The following ABTB2 variants were observed in gnomAD, a reference collection of about 807,000 sequenced individuals.
ABTB2 encodes ankyrin repeat and BTB/POZ domain-containing protein 2.
ABTB2 carries 56 observed loss-of-function variants against 104.1 expected under a neutral mutation model. The ratio of observed to expected loss-of-function variants is 0.54; its 90% CI spans 0.43 to 0.67. The LOEUF (loss-of-function observed/expected upper bound fraction) is 0.67, where lower values mean the gene tolerates loss of function less well. Ranked by LOEUF, ABTB2 falls within the 30% of genes least tolerant of loss-of-function variation. ABTB2 has a pLI of 0.00. For synonymous variants in ABTB2, 606 were observed against 608.2 expected (o/e 1.00, Z 0.05); for missense variants, 1,279 against 1,407.7 (o/e 0.91, Z 1.46).
chr11:34,334,221 A>G (rs535365824), intron 1 of ABTB2, among the ~76,000 whole-genome samples: 42 of 152,140 alleles, frequency 2.8e-4, no homozygotes, highest in Non-Finnish European at 5.6e-4. Context: ...GCAAGGACAA[A>G]AACAACCCTG....
intron 5 of ABTB2, among the ~76,000 whole-genome samples, chr11:34,169,215 C>T (rs2982608): frequency 0.52 from 79,359 of 151,986 alleles, 21,695 homozygotes; most frequent in East Asian, 0.9. Context: ...AACCAAATGA[C>T]GGGCCCGGTG....
chr11:34,269,605 T>C (rs1854290147), intron 1 of ABTB2, among the ~76,000 whole-genome samples: 1 of 152,238 alleles, frequency 6.6e-6, no homozygotes, highest in Admixed American at 6.5e-5. Flanking sequence ...TGCAACCAAA[T>C]GGTAAGGCTG....
At chr11:34,157,598 A>G (rs1267067885) in intron 14 of ABTB2, among the ~76,000 whole-genome samples, 1 of 152,154 alleles carries the variant, frequency 6.6e-6, no homozygotes, top group Non-Finnish European at 1.5e-5. Flanking sequence ...TCACCTGGAC[A>G]TGTTCCTAAA....
In ABTB2 at chr11:34,356,729, C is replaced by G; in HGVS notation, c.855G>C (p.Glu285Asp). The change falls in exon 1 of 17, where the codon GAG becomes GAC. Residue 285 changes from glutamate (E) to aspartate (D), a missense_variant. Coordinates refer to ENST00000435224, the MANE Select transcript of ABTB2 (RefSeq NM_145804.3). The surrounding 1 kb of genome is among the most constrained non-coding windows in gnomAD (Gnocchi z 4.6). ...AELWGVLQPY[E>D]HLICGKNANG... ...TGGCGTTCTTGCCGCAGATGAGATG[C>G]TCATAGGGCTGCAAGACGCCCCAGA... The G allele has an allele frequency of 6.2e-7, 1 of 1,607,270 alleles. No individual in the cohort carries two copies. Among genetic ancestry groups the G allele is most frequent in the Non-Finnish European group, 8.5e-7 (1 of 1,175,558 alleles).
intron 1 of ABTB2, among the ~76,000 whole-genome samples, chr11:34,244,788 A>C (rs1853965500): frequency 6.6e-6 from 1 of 152,180 alleles, no homozygotes; most frequent in Non-Finnish European, 1.5e-5. Flanking sequence ...AGGGTGGATC[A>C]CTTGAGCCCA....
At chr11:34,247,773 A>G (rs1321787210) in intron 1 of ABTB2, among the ~76,000 whole-genome samples, 1 of 152,230 alleles carries the variant, frequency 6.6e-6, no homozygotes, top group Non-Finnish European at 1.5e-5. Context: ...ATACTCTGCT[A>G]AGCACTTCAC....
chr11:34,177,087 T>A (rs1317346980), intron 3 of ABTB2, among the ~76,000 whole-genome samples: 1 of 152,182 alleles, frequency 6.6e-6, no homozygotes. Flanking sequence ...AAAAAGATAA[T>A]CCGTGGATTT....
At chr11:34,331,491 G>T (rs1006535215) in intron 1 of ABTB2, among the ~76,000 whole-genome samples, 5 of 152,238 alleles carry the variant, frequency 3.3e-5, no homozygotes, top group African/African-American at 1.2e-4. Flanking sequence ...ATCCTACCAT[G>T]ATTTCCTGTC....
intron 1 of ABTB2, among the ~76,000 whole-genome samples, chr11:34,273,396 C>T (rs569664393): frequency 9.8e-5 from 15 of 152,290 alleles, no homozygotes; most frequent in East Asian, 7.7e-4. Context: ...GAACCTCGAC[C>T]GACTCCAGGT....
chr11:34,335,081 A>G (rs1420546317), intron 1 of ABTB2: 4 of 950,598 alleles, frequency 4.2e-6, no homozygotes, highest in South Asian at 1.4e-5. Flanking sequence ...AATATTACAT[A>G]CAAATAATAC....
chr11:34,164,817 G>A lies in ABTB2; in HGVS notation c.1857C>T (p.Asn619=). Residue 619 remains asparagine, a synonymous_variant, in exon 9 of 17, where the codon AAC becomes AAT. Coordinates refer to ENST00000435224, the MANE Select transcript of ABTB2 (RefSeq NM_145804.3). ...TCAGCAACAAACTGACCAGCTCATAGTTCCCTGAAAGAGAAGGTGGGCAGC... is the reference window on the plus strand; with the variant it reads ...TCAGCAACAAACTGACCAGCTCATAATTCCCTGAAAGAGAAGGTGGGCAGC... The part of the protein sequence containing the change: ...TPLQLASAAG[N]YELVSLLLSR... 6.3e-7 allele frequency: 1 copy of A among 1,587,902 alleles called. No homozygotes were observed. Among genetic ancestry groups the A allele is most frequent in the Non-Finnish European group, 8.5e-7 (1 of 1,171,938 alleles).
chr11:34,178,133 T>A (rs1852978738), intron 3 of ABTB2, among the ~76,000 whole-genome samples: 1 of 152,164 alleles, frequency 6.6e-6, no homozygotes, highest in Admixed American at 6.5e-5. Context: ...TATACAGAAA[T>A]CTAGATTAGC....
intron 1 of ABTB2, among the ~76,000 whole-genome samples, chr11:34,310,184 C>A (rs964170895): frequency 6.6e-6 from 1 of 152,114 alleles, no homozygotes; most frequent in African/African-American, 2.4e-5. Context: ...GAGAAGTAAT[C>A]CCTCATCCAT....
chr11:34,335,993 C>A, intron 1 of ABTB2: 1 of 567,296 alleles, frequency 1.8e-6, no homozygotes, highest in South Asian at 2.2e-5. Flanking sequence ...TTACAAAGCA[C>A]ATTGGCCAAC....
chr11:34,230,958 G>A (rs750823865), intron 1 of ABTB2, among the ~76,000 whole-genome samples: 5 of 152,008 alleles, frequency 3.3e-5, no homozygotes, highest in Non-Finnish European at 7.4e-5. Flanking sequence ...CAATCCTCCC[G>A]CCTTGGCCTC....
At chr11:34,304,776 G>A (rs1854751516) in intron 1 of ABTB2, among the ~76,000 whole-genome samples, 1 of 152,172 alleles carries the variant, frequency 6.6e-6, no homozygotes, top group Non-Finnish European at 1.5e-5. Flanking sequence ...GAGTGGTGGG[G>A]CCAGGATTCA....
At chr11:34,297,841 G>A (rs1327385868) in intron 1 of ABTB2, among the ~76,000 whole-genome samples, 2 of 151,632 alleles carry the variant, frequency 1.3e-5, no homozygotes, top group Non-Finnish European at 2.9e-5. Flanking sequence ...CGACGTGATG[G>A]TATTAAAAGG....
intron 1 of ABTB2, among the ~76,000 whole-genome samples, chr11:34,340,003 T>A (rs1360931517): frequency 6.6e-6 from 1 of 152,000 alleles, no homozygotes; most frequent in Non-Finnish European, 1.5e-5. Context: ...AGTCATGCTT[T>A]ATGATAACTG....
chr11:34,168,350 C>A (rs1029138248), intron 5 of ABTB2, among the ~76,000 whole-genome samples: 5 of 152,240 alleles, frequency 3.3e-5, no homozygotes, highest in African/African-American at 1.2e-4. Flanking sequence ...AGTATCTTAT[C>A]TCCCTCAAAG....
Sources: gnomAD v4.1 joint callset for allele counts (sites outside exome capture counted in the v4.1 genomes callset) on GRCh38, gnomAD v4.1.1 for gene constraint, Gnocchi (gnomAD v3.1) non-coding constraint, MANE v1.5 for transcripts, NCBI Gene and HGNC (gene_info 2026-07-23, HGNC 2026-07-21) for gene names.